The following KIF5C variants were observed in gnomAD, a reference collection of about 807,000 sequenced individuals.
The protein encoded by KIF5C is kinesin heavy chain isoform 5C.
In KIF5C, 18 loss-of-function variants were observed where a neutral mutation model predicts 125.2. The observed-to-expected ratio is 0.14, with a 90% CI of 0.10 to 0.21. The LOEUF is 0.21. KIF5C is among the 10% of genes least tolerant of loss of function. KIF5C has a pLI of 1.00. For missense variants in KIF5C, 780 were observed against 1,183.8 expected, an observed-to-expected ratio of 0.66 and a Z score of 5.01; for synonymous variants, 405 against 434.0, an observed-to-expected ratio of 0.93 and a Z score of 0.83.
intron 8 of KIF5C, among the ~76,000 whole-genome samples, chr2:148,949,472 C>T (rs987304434): frequency 1.3e-5 from 2 of 152,158 alleles, no homozygotes; most frequent in African/African-American, 4.8e-5. Flanking sequence ...TCATGCTTCC[C>T]TCTGGGCTCC....
chr2:148,876,730 G>C lies in KIF5C; in HGVS notation c.126+987G>C, dbSNP rs1011952774. 6.6e-6 allele frequency among the ~76,000 whole-genome samples: 1 copy of C among 152,160 alleles called. No individual in the cohort carries two copies. On this transcript the variant is annotated intron_variant, in intron 1 of 25. Transcript: ENST00000435030. This position sits in a 1 kb window ranked among gnomAD's most constrained non-coding sequence, Gnocchi z 4.7. ...TCTGTCAGATGAAACAAACCAGCTC[G>C]GTCCCCCGCCCCTTCCCCGCCCGCT...
chr2:148,940,242 G>T (rs1283045492), intron 4 of KIF5C, among the ~76,000 whole-genome samples: 3 of 152,206 alleles, frequency 2.0e-5, no homozygotes, highest in Non-Finnish European at 2.9e-5. Flanking sequence ...GATGTGGGGA[G>T]TGTGGCAGCA....
At chr2:148,966,362 G>GCA (rs976225396) in intron 11 of KIF5C, among the ~76,000 whole-genome samples, 6 of 149,198 alleles carry the variant, frequency 4.0e-5, no homozygotes, top group African/African-American at 7.6e-5. Flanking sequence ...GTGCGCGCGC[G>GCA]CACACACACA....
intron 1 of KIF5C, chr2:148,879,324 A>T (rs1359114787): frequency 6.6e-6 from 1 of 152,176 alleles, no homozygotes; most frequent in East Asian, 1.9e-4. Context: ...AATTCTGGAA[A>T]CTTTACTTTG....
At chr2:149,020,220 G>T (rs1682491416) in intron 25 of KIF5C, 2 of 152,230 alleles carry the variant, frequency 1.3e-5, no homozygotes, top group Admixed American at 1.3e-4. Flanking sequence ...AGAGCATCCT[G>T]CTGGAATCCA....
chr2:148,941,756 AT>A (rs1368714034), intron 5 of KIF5C, 98 bp downstream of exon 5: 1 of 1,490,832 alleles, frequency 6.7e-7, no homozygotes, highest in Non-Finnish European at 9.0e-7. Flanking sequence ...ATTAATGAAA[AT>A]TTATAGAGAT....
intron 3 of KIF5C, among the ~76,000 whole-genome samples, chr2:148,930,338 T>TC (rs527749714): frequency 2.3e-4 from 35 of 152,142 alleles, no homozygotes; most frequent in African/African-American, 7.7e-4. Context: ...CTTTTTTTTT[T>TC]TTCTTTAAAT....
At chr2:148,982,884 G>A (rs1456259493) in intron 14 of KIF5C, among the ~76,000 whole-genome samples, 5 of 152,150 alleles carry the variant, frequency 3.3e-5, no homozygotes, top group Admixed American at 3.3e-4. Context: ...GCTGCATATG[G>A]GAGAATTGTA....
chr2:148,958,853 G>A (rs1357530453), intron 10 of KIF5C, among the ~76,000 whole-genome samples: 4 of 151,840 alleles, frequency 2.6e-5, no homozygotes, highest in South Asian at 2.1e-4. Context: ...GCGTGGTGGC[G>A]GGCGCCTGTA....
At chr2:148,900,735 T>C (rs574852758) in intron 1 of KIF5C, among the ~76,000 whole-genome samples, 22 of 152,162 alleles carry the variant, frequency 1.4e-4, no homozygotes, top group African/African-American at 4.3e-4. Context: ...TGGAGATGCA[T>C]TGGGGACAAA....
chr2:148,967,863 T>C (rs1474840182), intron 11 of KIF5C, among the ~76,000 whole-genome samples: 2 of 152,030 alleles, frequency 1.3e-5, no homozygotes, highest in African/African-American at 4.8e-5. Flanking sequence ...ATCCTATATA[T>C]GGAGATAGAG....
chr2:149,012,363 G>A (rs1422149720), intron 25 of KIF5C, among the ~76,000 whole-genome samples: 1 of 152,264 alleles, frequency 6.6e-6, no homozygotes, highest in Non-Finnish European at 1.5e-5. Flanking sequence ...CGGGCAGACA[G>A]ATGACTAGGT....
chr2:148,912,285 G>A (rs1166420305), intron 1 of KIF5C, among the ~76,000 whole-genome samples: 1 of 152,164 alleles, frequency 6.6e-6, no homozygotes, highest in African/African-American at 2.4e-5. Context: ...ATACCTAAGC[G>A]TTGAAAAATA....
At position 149,000,767 on chromosome 2, in the gene KIF5C, G is replaced by T. The variant is rs1446992851; in HGVS notation, c.2358G>T (p.Gly786=). Residue 786 remains glycine (G), a synonymous_variant, in exon 21 of 26, where the codon GGG becomes GGT. Coordinates refer to ENST00000435030, the MANE Select transcript of KIF5C (RefSeq NM_004522.3). ...AACAAGCCAGAGAAGACCTCAAAGGGCTGGAGGAGACAGTGGTATGTCAAG... is the reference window on the plus strand; with the variant it reads ...AACAAGCCAGAGAAGACCTCAAAGGTCTGGAGGAGACAGTGGTATGTCAAG... ...KREQAREDLK[G]LEETVSRELQ... The T allele has an allele frequency of 6.2e-7, 1 of 1,613,886 alleles. No individual in the cohort carries two copies. Among genetic ancestry groups the T allele is most frequent in the Admixed American group, 1.7e-5 (1 of 60,002 alleles).
In KIF5C at chr2:148,917,723, T is replaced by C. The variant is rs552490947; in HGVS notation, c.127-4414T>C. Among the ~76,000 whole-genome samples the C allele has an allele frequency of 1.1e-4, 17 of 152,374 alleles. No homozygotes were observed. The South Asian group carries it at 1.7e-3, about 15-fold the overall frequency. On this transcript the variant is annotated intron_variant, in intron 1 of 25. Transcript: ENST00000435030. ...CTCTTCTGAATACAGTACTCCTCAG[T>C]GTCAGAAGGTAATTCCACAGAGTGA...
intron 23 of KIF5C, among the ~76,000 whole-genome samples, chr2:149,009,184 G>C (rs990409141): frequency 6.6e-6 from 1 of 151,694 alleles, no homozygotes; most frequent in Non-Finnish European, 1.5e-5. Context: ...TAGAGACAAG[G>C]TTTCACCATG....
chr2:148,955,793 C>CA (rs1434701510), intron 10 of KIF5C, among the ~76,000 whole-genome samples: 1 of 152,150 alleles, frequency 6.6e-6, no homozygotes, highest in Non-Finnish European at 1.5e-5. Context: ...TCTCACACAC[C>CA]ATTCACAGTG....
chr2:148,957,212 C>T (rs768683954), intron 10 of KIF5C, among the ~76,000 whole-genome samples: 1 of 152,216 alleles, frequency 6.6e-6, no homozygotes, highest in Non-Finnish European at 1.5e-5. Context: ...GCCCAAGTTC[C>T]GGATCATGTT....
intron 1 of KIF5C, among the ~76,000 whole-genome samples, chr2:148,897,355 T>C (rs753407634): frequency 6.6e-6 from 1 of 152,096 alleles, no homozygotes; most frequent in Admixed American, 6.5e-5. Flanking sequence ...TCTTGAACTT[T>C]TGGGAGTTAT....
Sources: gnomAD v4.1 joint callset for allele counts (sites outside exome capture counted in the v4.1 genomes callset) on GRCh38, gnomAD v4.1.1 for gene constraint, Gnocchi (gnomAD v3.1) non-coding constraint, MANE v1.5 for transcripts, NCBI Gene and HGNC (gene_info 2026-07-23, HGNC 2026-07-21) for gene names.